The following DNAJC25 variants were observed in gnomAD, a reference collection of about 807,000 sequenced individuals.
The protein encoded by DNAJC25 is DnaJ heat shock protein family (Hsp40) member C25, also known as dnaJ homolog subfamily C member 25.
A neutral mutation model predicts 42.1 loss-of-function variants in DNAJC25; 26 were observed. The observed-to-expected ratio is 0.62, with a 90% CI of 0.45 to 0.86. The LOEUF (loss-of-function observed/expected upper bound fraction) is 0.86, where lower values mean the gene tolerates loss of function less well. Among genes scored for constraint, DNAJC25 ranks in the 40% least tolerant of loss-of-function variants. The pLI is 0.00. For missense variants in DNAJC25, 404 were observed against 459.4 expected (o/e 0.88, Z 1.10); for synonymous variants, 189 against 179.9 (o/e 1.05, Z -0.40).
At chr9:111,652,594 T>G (rs1179161981) in intron 3 of DNAJC25, among the ~76,000 whole-genome samples, 4 of 148,810 alleles carry the variant, frequency 2.7e-5, no homozygotes, top group Non-Finnish European at 5.9e-5. Context: ...CAGGCTGGAG[T>G]GCAATGGCAT....
intron 1 of DNAJC25, among the ~76,000 whole-genome samples, chr9:111,642,610 T>TAAAG (rs1564084985): frequency 1.6e-5 from 1 of 62,912 alleles, no homozygotes; most frequent in Non-Finnish European, 2.4e-5. Context: ...TATCAATAAA[T>TAAAG]AAATAAATAA....
intron 3 of DNAJC25, among the ~76,000 whole-genome samples, chr9:111,652,744 A>G (rs1270944486): frequency 6.6e-6 from 1 of 151,266 alleles, no homozygotes; most frequent in Non-Finnish European, 1.5e-5. Flanking sequence ...CGGGGGTTTC[A>G]CCATGTTGGC....
chr9:111,647,823 G>A (rs1351950829), intron 2 of DNAJC25, among the ~76,000 whole-genome samples: 1 of 152,242 alleles, frequency 6.6e-6, no homozygotes, highest in Non-Finnish European at 1.5e-5. Flanking sequence ...TCTGTTGCCA[G>A]GCTGGAGTGC....
intron 2 of DNAJC25, among the ~76,000 whole-genome samples, chr9:111,648,411 G>A (rs1038115815): frequency 1.3e-4 from 20 of 151,194 alleles, no homozygotes; most frequent in Non-Finnish European, 1.0e-4. Context: ...ACAGGCATGT[G>A]CCACCACACC....
chr9:111,652,875 T>C (rs1370025375), intron 3 of DNAJC25, among the ~76,000 whole-genome samples: 1 of 152,126 alleles, frequency 6.6e-6, no homozygotes, highest in South Asian at 2.1e-4. Context: ...ATACAGGTTG[T>C]TCTTTCATGT....
Position 111,647,125 on chromosome 9 carries a change from G to T in DNAJC25, c.355G>T (p.Asp119Tyr), listed in dbSNP as rs775152038. 9.9e-6 allele frequency: 16 copies of T among 1,613,724 alleles called. No homozygotes were observed. In the African/African-American group the frequency reaches 2.1e-4, roughly 22 times the overall value. ...ETLKDEETRK[D>Y]YDYMLDHPEE... The stretch of plus-strand genomic sequence containing the variant: ...TTTACAGGATGAAGAAACACGAAAA[G>T]ATTATGATTACATGCTGGATCATCC... Residue 119 changes from aspartate (D) to tyrosine (Y), a missense_variant, in exon 2 of 4, where the codon GAT becomes TAT. Coordinates refer to ENST00000313525, the MANE Select transcript of DNAJC25 (RefSeq NM_001015882.3).
At chr9:111,647,377 A>T in intron 2 of DNAJC25, 118 bp downstream of exon 2, 1 of 1,335,368 alleles carries the variant, frequency 7.5e-7, no homozygotes, top group Non-Finnish European at 1.0e-6. Context: ...TCTAGTTGAG[A>T]TCTGTTTTAG....
chr9:111,633,264 A>G (rs145562307), intron 1 of DNAJC25, among the ~76,000 whole-genome samples: 91 of 152,236 alleles, frequency 6.0e-4, no homozygotes, highest in African/African-American at 2.1e-3. Context: ...AGGATTAGGG[A>G]TGTTAATCAT....
intron 3 of DNAJC25, among the ~76,000 whole-genome samples, chr9:111,652,514 CAAAAA>C (rs1308204248): frequency 4.6e-5 from 3 of 64,598 alleles, no homozygotes; most frequent in South Asian, 6.3e-4. Flanking sequence ...GACCCTGTCT[CAAAAA>C]AAAAAAAAAA....
chr9:111,653,592 T>C lies in DNAJC25; in HGVS notation c.*370T>C, dbSNP rs567840509. 2 of 154,568 alleles carry C rather than the reference T, an allele frequency of 1.3e-5. No individual in the cohort carries two copies. The highest frequency in any genetic ancestry group is 2.1e-4 in the South Asian group (1 of 4,864). 9.6% of individuals were successfully genotyped at this position (154,568 alleles called of 1,614,324 possible). A position where few individuals can be genotyped will look rare whatever the true frequency, so the allele number is the denominator to read the frequency against. On this transcript the variant is annotated 3_prime_UTR_variant, in exon 4 of 4. Transcript: ENST00000313525. ...GAGAATGTTACCTTACTGTTTGTAA[T>C]AGTGCTACATTTTTCTGCTTTCATG...
intron 1 of DNAJC25, among the ~76,000 whole-genome samples, chr9:111,640,819 C>T (rs1830443475): frequency 1.5e-5 from 2 of 131,410 alleles, no homozygotes; most frequent in Admixed American, 7.9e-5. Context: ...GCAGCCACCC[C>T]GTCCGGGAGG....
At chr9:111,635,188 T>TA (rs1438993273) in intron 1 of DNAJC25, among the ~76,000 whole-genome samples, 1 of 152,244 alleles carries the variant, frequency 6.6e-6, no homozygotes, top group Non-Finnish European at 1.5e-5. Context: ...CTATAGCACT[T>TA]ATCACACTGC....
intron 1 of DNAJC25, among the ~76,000 whole-genome samples, chr9:111,637,255 T>C (rs1456808308): frequency 3.3e-5 from 5 of 152,110 alleles, no homozygotes; most frequent in Admixed American, 1.3e-4. Context: ...TACTGGAACA[T>C]AGTTTGGGAT....
In DNAJC25 at chr9:111,654,263, G is replaced by A. The variant is rs1204752540; in HGVS notation, c.*1041G>A. The A allele has an allele frequency of 6.6e-6, 1 of 151,982 alleles. No individual in the cohort carries two copies. 9.4% of individuals were successfully genotyped at this position (151,982 alleles called of 1,614,324 possible). ...AGGCATGATACTGCACCAAAGTGTT[G>A]GTACATATTCACGGTAGTAAATCAG... On this transcript the variant is annotated 3_prime_UTR_variant, in exon 4 of 4. Coordinates refer to ENST00000313525, the MANE Select transcript of DNAJC25 (RefSeq NM_001015882.3).
chr9:111,650,974 G>A (rs1026815884), intron 3 of DNAJC25, among the ~76,000 whole-genome samples: 10 of 152,116 alleles, frequency 6.6e-5, no homozygotes, highest in African/African-American at 2.4e-4. Context: ...GTTCATAAAA[G>A]TGTTATTTAG....
chr9:111,646,546 A>C (rs754383490), intron 1 of DNAJC25, among the ~76,000 whole-genome samples: 9 of 152,210 alleles, frequency 5.9e-5, no homozygotes, highest in Non-Finnish European at 1.0e-4. Context: ...TTGTGAATGA[A>C]GAAGGAGGAG....
In DNAJC25 at chr9:111,653,388, A is replaced by C; in HGVS notation, c.*166A>C. On this transcript the variant is annotated 3_prime_UTR_variant, in exon 4 of 4. Transcript: ENST00000313525. The stretch of plus-strand genomic sequence containing the variant: ...AATTTAAACCTTCCCTTAAAACTTT[A>C]TACATAAGACATTTATGATTGTTCA... 1 of 674,560 alleles carries C rather than the reference A, an allele frequency of 1.5e-6. No homozygotes were observed. Among genetic ancestry groups the C allele is most frequent in the Non-Finnish European group, 2.1e-6 (1 of 476,932 alleles). 41.8% of individuals were successfully genotyped at this position (674,560 alleles called of 1,614,324 possible).
intron 1 of DNAJC25, among the ~76,000 whole-genome samples, chr9:111,646,353 A>C (rs567740782): frequency 2.9e-4 from 44 of 152,358 alleles, no homozygotes; most frequent in African/African-American, 1.0e-3. Context: ...CATACAGAGC[A>C]GCATTTTGGA....
intron 2 of DNAJC25, among the ~76,000 whole-genome samples, chr9:111,648,196 A>G (rs892618257): frequency 6.6e-6 from 1 of 152,144 alleles, no homozygotes; most frequent in African/African-American, 2.4e-5. Context: ...AACAAGTCAA[A>G]TGACTAGAAT....
Sources: allele counts gnomAD v4.1 joint callset (sites outside exome capture counted in the v4.1 genomes callset), GRCh38; gene constraint gnomAD v4.1.1; transcripts MANE v1.5; gene names NCBI Gene and HGNC (gene_info 2026-07-23, HGNC 2026-07-21).